The following THADA variants were observed in gnomAD, a reference collection of about 807,000 sequenced individuals.
THADA encodes tRNA (32-2'-O)-methyltransferase regulator THADA.
Under a neutral mutation model 219.8 loss-of-function variants are expected in THADA, and 213 were observed. The observed-to-expected ratio is 0.97, with a 90% CI of 0.87 to 1.09. The LOEUF is 1.09. Among genes scored for constraint, THADA ranks in the 50% least tolerant of loss-of-function variants. The pLI is 0.00. For missense variants in THADA, 2,956 were observed against 2,311.3 expected, an observed-to-expected ratio of 1.28 and a Z score of -5.72; for synonymous variants, 1,018 against 828.9, an observed-to-expected ratio of 1.23 and a Z score of -3.92.
intron 7 of THADA, among the ~76,000 whole-genome samples, chr2:43,583,725 C>G (rs1470227906): frequency 6.6e-6 from 1 of 152,050 alleles, no homozygotes; most frequent in Admixed American, 6.6e-5. Flanking sequence ...TATTCGGCCA[C>G]AAAAAGGAAT....
intron 30 of THADA, among the ~76,000 whole-genome samples, chr2:43,325,191 G>C (rs1364183690): frequency 6.6e-6 from 1 of 152,006 alleles, no homozygotes. Flanking sequence ...GGGCTTCCCA[G>C]ACACGTCCAC....
chr2:43,576,385 A>G (rs1260875822), intron 10 of THADA, among the ~76,000 whole-genome samples: 2 of 152,214 alleles, frequency 1.3e-5, no homozygotes, highest in Non-Finnish European at 2.9e-5. Context: ...AAGACCTTCT[A>G]AGATTGCTGT....
intron 24 of THADA, among the ~76,000 whole-genome samples, chr2:43,505,247 C>G (rs1474706996): frequency 6.6e-6 from 1 of 151,814 alleles, no homozygotes; most frequent in East Asian, 1.9e-4. Context: ...GATGTTTTCA[C>G]CAGAGTTTAA....
Position 43,405,479 on chromosome 2 carries a change from A to T in THADA, c.4059-7340T>A, listed in dbSNP as rs1459679206. ...GTTCAGTGATGGCCAAGGTTGCCAG[A>T]TTCTCTACTTGTTCTTCCTATGCCA... is the stretch of plus-strand genomic sequence containing the variant. On this transcript the variant is annotated intron_variant, in intron 28 of 37. Transcript: ENST00000405975. 7.9e-5 allele frequency among the ~76,000 whole-genome samples: 12 copies of T among 152,338 alleles called. No homozygotes were observed. The East Asian group carries it at 2.3e-3, about 29-fold the overall frequency.
chr2:43,327,877 T>C (rs575605142), intron 30 of THADA, among the ~76,000 whole-genome samples: 1 of 152,198 alleles, frequency 6.6e-6, no homozygotes, highest in Non-Finnish European at 1.5e-5. Context: ...GAACCCAGGA[T>C]ATTTTGTTGA....
intron 26 of THADA, among the ~76,000 whole-genome samples, chr2:43,447,914 T>A (rs995309663): frequency 7.2e-5 from 11 of 152,080 alleles, no homozygotes; most frequent in Non-Finnish European, 1.6e-4. Context: ...TCTGTTTTTA[T>A]ATATATATAT....
At chr2:43,233,302 A>C (rs949376923) in intron 36 of THADA, 4 of 167,374 alleles carry the variant, frequency 2.4e-5, no homozygotes, top group African/African-American at 9.5e-5. Flanking sequence ...ATCCTAGAGC[A>C]GGGCATCGGC....
chr2:43,469,414 C>A (rs13029044), intron 26 of THADA, among the ~76,000 whole-genome samples: 27,650 of 151,916 alleles, frequency 0.18, 2,996 homozygotes, highest in Non-Finnish European at 0.25. Context: ...AATTAACCAA[C>A]AAATAATGTG....
rs1021153682 is a variant in THADA, at chr2:43,429,248, C to T, written c.3926+965G>A. Among the ~76,000 whole-genome samples, 4 of 150,582 alleles carry T rather than the reference C, an allele frequency of 2.7e-5. 1 individual carries two copies. Among genetic ancestry groups the T allele is most frequent in the African/African-American group, 9.7e-5 (4 of 41,346 alleles). On this transcript the variant is annotated intron_variant, in intron 27 of 37. Transcript: ENST00000405975. Reference sequence around the variant, plus strand: ...TCAGCCTCCCAAGTAGCTGGGATCACAGGTGCGCACCACCAGCCTGGCTAA... The same window carrying T: ...TCAGCCTCCCAAGTAGCTGGGATCATAGGTGCGCACCACCAGCCTGGCTAA...
intron 7 of THADA, among the ~76,000 whole-genome samples, chr2:43,583,245 C>A (rs987612959): frequency 6.6e-6 from 1 of 152,178 alleles, no homozygotes. Flanking sequence ...CATCTTTATC[C>A]TACAAAAACA....
At chr2:43,591,028 G>A in intron 3 of THADA, 74 bp from the exon 4 acceptor site, 1 of 1,438,508 alleles carries the variant, frequency 7.0e-7, no homozygotes, top group East Asian at 2.3e-5. Context: ...GATACTCTTT[G>A]AAGTCTCAAT....
rs778200995 is a variant in THADA, at chr2:43,498,877, C to T, written c.3700G>A (p.Gly1234Arg). The change falls in exon 25 of 38, where the codon GGA becomes AGA. Residue 1234 changes from glycine to arginine, a missense_variant. Physicochemically the swap from Gly to Arg is moderately radical, Grantham distance 125. Transcript: ENST00000405975. The part of the protein sequence containing the change: ...GENIIPYVAD[G>R]AKAAILGFTS... ...AAACCCAGAATTGCAGCCTTAGCTC[C>T]ATCAGCAACATAAGGAATAATATTT... The T allele has an allele frequency of 1.2e-6, 2 of 1,612,018 alleles. No homozygotes were observed. Among genetic ancestry groups the T allele is most frequent in the South Asian group, 1.1e-5 (1 of 90,360 alleles).
intron 30 of THADA, among the ~76,000 whole-genome samples, chr2:43,325,845 A>C (rs1679260548): frequency 6.6e-6 from 1 of 152,224 alleles, no homozygotes; most frequent in Non-Finnish European, 1.5e-5. Context: ...CAACAAGTTT[A>C]AGTAAAATAA....
chr2:43,237,230 G>C (rs1373880219), intron 36 of THADA, among the ~76,000 whole-genome samples: 1 of 152,006 alleles, frequency 6.6e-6, no homozygotes, highest in Non-Finnish European at 1.5e-5. Flanking sequence ...TTTTTGACAA[G>C]GGTACCAAAA....
chr2:43,462,249 A>C (rs1683722553), intron 26 of THADA, among the ~76,000 whole-genome samples: 1 of 152,360 alleles, frequency 6.6e-6, no homozygotes, highest in Non-Finnish European at 1.5e-5. Context: ...GGTAACGTTC[A>C]GGCATCTTTC....
intron 7 of THADA, among the ~76,000 whole-genome samples, chr2:43,583,584 CAG>C (rs1381887077): frequency 6.6e-6 from 1 of 152,146 alleles, no homozygotes; most frequent in Admixed American, 6.5e-5. Context: ...GAGCTAAAAG[CAG>C]AGACTCAAAG....
In THADA at chr2:43,382,077, A is replaced by C. The variant is rs1226332331; in HGVS notation, c.4227+15894T>G. ...TGACCAGTAGTTCTCAAAACTGTTA[A>C]CACCATCAAAAACATGAAAAAAAGC... On this transcript the variant is annotated intron_variant, in intron 29 of 37. Transcript: ENST00000405975. Among the ~76,000 whole-genome samples the C allele has an allele frequency of 2.0e-5, 3 of 152,240 alleles. 1 individual carries two copies. Among genetic ancestry groups the C allele is most frequent in the South Asian group, 4.1e-4 (2 of 4,832 alleles).
chr2:43,290,126 C>T (rs377662125), intron 34 of THADA, among the ~76,000 whole-genome samples: 1 of 151,908 alleles, frequency 6.6e-6, no homozygotes, highest in African/African-American at 2.4e-5. Context: ...GCGCCCACCA[C>T]CACACCCGTC....
chr2:43,565,127 T>C (rs1698510937), intron 15 of THADA: 1 of 152,074 alleles, frequency 6.6e-6, no homozygotes, highest in Admixed American at 6.6e-5. Context: ...ATATAGCAAA[T>C]ATTGCAAAAT....
Sources: gnomAD v4.1 joint callset for allele counts (sites outside exome capture counted in the v4.1 genomes callset) on GRCh38, gnomAD v4.1.1 for gene constraint, MANE v1.5 for transcripts, NCBI Gene and HGNC (gene_info 2026-07-23, HGNC 2026-07-21) for gene names.